The following C1orf167 variants were observed in gnomAD, a reference collection of about 807,000 sequenced individuals.
C1orf167 encodes the protein uncharacterized protein C1orf167.
C1orf167 carries 153 observed loss-of-function variants against 176.5 expected under a neutral mutation model. The ratio of observed to expected loss-of-function variants is 0.87; its 90% CI spans 0.76 to 0.99. The LOEUF (loss-of-function observed/expected upper bound fraction) is 0.99, where lower values mean the gene tolerates loss of function less well. Among genes scored for constraint, C1orf167 ranks in the 50% least tolerant of loss-of-function variants. The pLI, the probability that C1orf167 is intolerant of heterozygous loss-of-function variation, is 0.00. For missense variants in C1orf167, 1,490 were observed against 1,817.7 expected (o/e 0.82, Z 3.28); for synonymous variants, 594 against 752.7 (o/e 0.79, Z 3.45).
chr1:11,767,403 C>A, intron 4 of C1orf167, 139 bp downstream of exon 4: 1 of 714,432 alleles, frequency 1.4e-6, no homozygotes, highest in Non-Finnish European at 2.1e-6. Flanking sequence ...AACTTACTAC[C>A]TGTCCCTGCT....
At chr1:11,785,020 TG>T in intron 15 of C1orf167, 127 bp from the exon 16 acceptor site, 1 of 826,650 alleles carries the variant, frequency 1.2e-6, no homozygotes, top group Non-Finnish European at 1.6e-6. Context: ...AAAGGGAGTG[TG>T]GGAGGTGGGT....
chr1:11,779,838 A>T lies in C1orf167; in HGVS notation c.2688A>T (p.Gln896His), dbSNP rs528195147. 1.5e-6 allele frequency: 2 copies of T among 1,302,766 alleles called. No homozygotes were observed. Among genetic ancestry groups the T allele is most frequent in the Non-Finnish European group, 2.0e-6 (2 of 988,540 alleles). 80.7% of individuals were successfully genotyped at this position (1,302,766 alleles called of 1,614,324 possible). The change falls in exon 13 of 21, where the codon CAA (glutamine) becomes CAT (histidine). Residue 896 changes from glutamine to histidine, a missense_variant. Coordinates refer to ENST00000688073, the MANE Select transcript of C1orf167 (RefSeq NM_001010881.2). Reference sequence around the variant, plus strand: ...GCTGGAGCCGCTGGGCAACAGCCCAATGGGCCTGGAGAGAGCTGGCTTCCC... The same window carrying T: ...GCTGGAGCCGCTGGGCAACAGCCCATTGGGCCTGGAGAGAGCTGGCTTCCC... Reference protein sequence around the residue: ...FLSWSRWATAQWAWRELASHR... With the variant: ...FLSWSRWATAHWAWRELASHR...
At chr1:11,763,034 G>A (rs1642590393) in intron 1 of C1orf167, among the ~76,000 whole-genome samples, 1 of 152,202 alleles carries the variant, frequency 6.6e-6, no homozygotes, top group Admixed American at 6.5e-5. Context: ...GAGGCGCTGA[G>A]GTGAGGTCGT....
chr1:11,787,677 C>A, intron 17 of C1orf167, 184 bp downstream of exon 17: 1 of 928,820 alleles, frequency 1.1e-6, no homozygotes, highest in Non-Finnish European at 1.4e-6. Context: ...GCATTCCTGC[C>A]CCGCCCCTGT....
At chr1:11,770,004 C>T (rs1233385025) in intron 6 of C1orf167, among the ~76,000 whole-genome samples, 5 of 152,040 alleles carry the variant, frequency 3.3e-5, no homozygotes, top group Admixed American at 3.3e-4. Flanking sequence ...AGCAGTAATG[C>T]ATGCTCAATT....
At chr1:11,774,255 G>T (rs140403940) in intron 8 of C1orf167, among the ~76,000 whole-genome samples, 1,977 of 151,688 alleles carry the variant, frequency 0.013, 21 homozygotes, top group Middle Eastern at 0.027. Flanking sequence ...AGCCATGATC[G>T]CACCACTGCA....
intron 13 of C1orf167, among the ~76,000 whole-genome samples, chr1:11,781,293 C>T (rs185787981): frequency 7.2e-5 from 11 of 152,072 alleles, no homozygotes; most frequent in African/African-American, 1.7e-4. Flanking sequence ...CCACCGCACC[C>T]GGCCCCAACC....
Position 11,762,238 on chromosome 1 carries a change from G to A in C1orf167, c.-138G>A, listed in dbSNP as rs1210583983. The A allele has an allele frequency of 6.8e-6, 3 of 442,878 alleles. No individual in the cohort carries two copies. The highest frequency in any genetic ancestry group is 3.2e-5 in the South Asian group (2 of 63,288). 27.4% of individuals were successfully genotyped at this position (442,878 alleles called of 1,614,324 possible). On this transcript the variant is annotated 5_prime_UTR_variant, in exon 1 of 21. Transcript: ENST00000688073. Reference sequence around the variant, plus strand: ...ACCTGCCGACCTGCGGGGATCGTTAGCGGTCCCAGCCCCCGTCTAGATTCA... The same window carrying A: ...ACCTGCCGACCTGCGGGGATCGTTAACGGTCCCAGCCCCCGTCTAGATTCA...
intron 13 of C1orf167, among the ~76,000 whole-genome samples, chr1:11,780,945 G>C (rs1421424297): frequency 6.6e-6 from 1 of 151,292 alleles, no homozygotes; most frequent in Non-Finnish European, 1.5e-5. Context: ...AGGCAGGCTT[G>C]CTCTCTGGGT....
intron 20 of C1orf167, 143 bp from the exon 21 acceptor site, chr1:11,789,127 A>T: frequency 1.3e-6 from 1 of 753,222 alleles, no homozygotes; most frequent in Non-Finnish European, 1.9e-6. Context: ...CATTTGGCCT[A>T]GGCAAGACTG....
In C1orf167 at chr1:11,766,868, C is replaced by T. The variant is rs1642823482; in HGVS notation, c.1082C>T (p.Ser361Phe). Residue 361 changes from serine (S) to phenylalanine (F), a missense_variant, in exon 3 of 21, where the codon TCT (serine) becomes TTT (phenylalanine). Coordinates refer to ENST00000688073, the MANE Select transcript of C1orf167 (RefSeq NM_001010881.2). The surrounding 1 kb of genome is among the most constrained non-coding windows in gnomAD (Gnocchi z 4.5). ...LGSGDSCSPW[S>F]QDGRAQRGDP... ...TCAGGGGACAGCTGCTCCCCCTGGT[C>T]TCAAGATGGCAGGGCACAGAGGGGT... 1.6e-6 allele frequency: 2 copies of T among 1,274,702 alleles called. No homozygotes were observed. The highest frequency in any genetic ancestry group is 2.5e-5 in the South Asian group (2 of 79,112). 79.0% of individuals were successfully genotyped at this position (1,274,702 alleles called of 1,614,324 possible).
intron 10 of C1orf167, 23 bp from the exon 11 acceptor site, chr1:11,778,637 T>A: frequency 7.8e-7 from 1 of 1,277,668 alleles, no homozygotes; most frequent in Non-Finnish European, 1.0e-6. Context: ...GCTGGGTGGG[T>A]CACTCACCTG....
intron 7 of C1orf167, among the ~76,000 whole-genome samples, 159 bp downstream of exon 7, chr1:11,771,795 G>A (rs569504766): frequency 6.6e-6 from 1 of 152,302 alleles, no homozygotes; most frequent in South Asian, 2.1e-4. Flanking sequence ...GCCTCACAGT[G>A]ACCCCCAAGA....
At chr1:11,772,904 A>ATTATTATT (rs1553179316) in intron 8 of C1orf167, among the ~76,000 whole-genome samples, 4 of 146,426 alleles carry the variant, frequency 2.7e-5, no homozygotes, top group Non-Finnish European at 6.0e-5. Context: ...CATTATTATT[A>ATTATTATT]TTATTATTAT....
At chr1:11,769,599 T>C (rs983155115) in intron 6 of C1orf167, among the ~76,000 whole-genome samples, 1 of 150,970 alleles carries the variant, frequency 6.6e-6, no homozygotes, top group African/African-American at 2.4e-5. Context: ...GCCTAAATGC[T>C]CAACAGTGAG....
rs1430240064 is a variant in C1orf167 at position 11,789,405 on chromosome 1, T to TC, written c.4309_4310insC (p.Trp1437SerfsTer41). ...GGAAGCCGCCAGAGCACCGCGGGGT[T>TC]GGGGGCTTGGGGCAGAGCATGGGGC... On this transcript the variant is annotated frameshift_variant, in exon 21 of 21. Coordinates refer to ENST00000688073, the MANE Select transcript of C1orf167 (RefSeq NM_001010881.2). LOFTEE classifies it low-confidence loss of function (END_TRUNC). The TC allele has an allele frequency of 3.8e-6, 5 of 1,303,774 alleles. No individual in the cohort carries two copies. Among genetic ancestry groups the TC allele is most frequent in the Non-Finnish European group, 5.1e-6 (5 of 988,794 alleles). 80.8% of individuals were successfully genotyped at this position (1,303,774 alleles called of 1,614,324 possible).
At chr1:11,774,390 A>G (rs1553179579) in intron 8 of C1orf167, among the ~76,000 whole-genome samples, 1 of 151,996 alleles carries the variant, frequency 6.6e-6, no homozygotes, top group Non-Finnish European at 1.5e-5. Flanking sequence ...CATTTTTTTG[A>G]TTGCACGTTA....
rs756296504 is a variant in C1orf167, at chr1:11,789,424, A to G, written c.4328A>G (p.His1443Arg). 3.5e-5 allele frequency: 45 copies of G among 1,303,754 alleles called. No homozygotes were observed. Among genetic ancestry groups the G allele is most frequent in the Non-Finnish European group, 4.5e-5 (44 of 988,762 alleles). The allele number at this position is 1,303,754 out of a possible 1,614,324, so 80.8% of individuals were successfully genotyped here. ...APRGWGLGAE[H>R]GAQLQL Reference sequence around the variant, plus strand: ...CGGGGTTGGGGGCTTGGGGCAGAGCATGGGGCCCAGCTGCAGCTGTGACTT... The same window carrying G: ...CGGGGTTGGGGGCTTGGGGCAGAGCGTGGGGCCCAGCTGCAGCTGTGACTT... Residue 1443 changes from histidine to arginine, a missense_variant, in exon 21 of 21, where the codon CAT becomes CGT. Physicochemically the swap from His to Arg is conservative, Grantham distance 29. Coordinates refer to ENST00000688073, the MANE Select transcript of C1orf167 (RefSeq NM_001010881.2).
rs1570374567 is a variant in C1orf167, at chr1:11,766,179, C to T, written c.393C>T (p.Ser131=). 1.6e-6 allele frequency: 2 copies of T among 1,289,822 alleles called. No individual in the cohort carries two copies. The highest frequency in any genetic ancestry group is 2.0e-6 in the Non-Finnish European group (2 of 988,848). The allele number at this position is 1,289,822 out of a possible 1,614,324, so 79.9% of individuals were successfully genotyped here. Residue 131 remains serine (S), a synonymous_variant, in exon 3 of 21, where the codon AGC becomes AGT. Coordinates refer to ENST00000688073, the MANE Select transcript of C1orf167 (RefSeq NM_001010881.2). This position sits in a 1 kb window ranked among gnomAD's most constrained non-coding sequence, Gnocchi z 4.5. Reference sequence around the variant, plus strand: ...GCAACCTGAGCATCAACGAGACCAGCAGCCCCCACCTCTGCCCAGAGCCTG... The same window carrying T: ...GCAACCTGAGCATCAACGAGACCAGTAGCCCCCACCTCTGCCCAGAGCCTG... ...QQSNLSINET[S]SPHLCPEPGG...
Sources: gnomAD v4.1 joint callset for allele counts (sites outside exome capture counted in the v4.1 genomes callset) on GRCh38, gnomAD v4.1.1 for gene constraint, Gnocchi (gnomAD v3.1) non-coding constraint, MANE v1.5 for transcripts, NCBI Gene and HGNC (gene_info 2026-07-23, HGNC 2026-07-21) for gene names.